Variants in DLG2 observed in about 807,000 individuals in gnomAD.
The protein encoded by DLG2 is discs large MAGUK scaffold protein 2.
Under a neutral mutation model 132.5 loss-of-function variants are expected in DLG2, and 45 were observed. That is an observed-to-expected ratio of 0.34 (90% CI 0.27 to 0.44). DLG2 has a LOEUF of 0.44. Among genes scored for constraint, DLG2 ranks in the 20% least tolerant of loss-of-function variants. The pLI is 1.00. For synonymous variants in DLG2, 424 were observed against 419.6 expected, an observed-to-expected ratio of 1.01 and a Z score of -0.13; for missense variants, 1,045 against 1,196.9, an observed-to-expected ratio of 0.87 and a Z score of 1.87.
chr11:83,622,998 T>C (rs950888151), intron 19 of DLG2, among the ~76,000 whole-genome samples: 7 of 152,206 alleles, frequency 4.6e-5, no homozygotes, highest in African/African-American at 1.7e-4. Flanking sequence ...TCTGTGTCTA[T>C]GATCTAAAGC....
chr11:84,950,339 A>G (rs2050759770), intron 6 of DLG2, among the ~76,000 whole-genome samples: 1 of 152,234 alleles, frequency 6.6e-6, no homozygotes, highest in Non-Finnish European at 1.5e-5. Context: ...AGCCCTAGTC[A>G]GAGCAAATAT....
chr11:85,436,524 G>C (rs996206634), intron 3 of DLG2, among the ~76,000 whole-genome samples: 33 of 152,116 alleles, frequency 2.2e-4, no homozygotes, highest in Admixed American at 1.3e-4. Flanking sequence ...CTTCTCAAAA[G>C]AAGAAATCAA....
chr11:84,927,015 T>A (rs2093001159), intron 6 of DLG2, among the ~76,000 whole-genome samples: 1 of 151,982 alleles, frequency 6.6e-6, no homozygotes, highest in South Asian at 2.1e-4. Flanking sequence ...AAAGTGACTA[T>A]CAAGAAAATT....
intron 8 of DLG2, among the ~76,000 whole-genome samples, chr11:84,167,667 A>G (rs1257155267): frequency 6.8e-6 from 1 of 146,558 alleles, no homozygotes; most frequent in Admixed American, 6.6e-5. Context: ...TCCAAAATGA[A>G]TAATTTTTTT....
At chr11:84,856,269 G>C (rs1267674055) in intron 6 of DLG2, among the ~76,000 whole-genome samples, 1 of 152,114 alleles carries the variant, frequency 6.6e-6, no homozygotes, top group Non-Finnish European at 1.5e-5. Flanking sequence ...TCAATGATAA[G>C]GAGACTGAGG....
At position 84,251,301 on chromosome 11, in the gene DLG2, G is replaced by C. The variant is rs1205439640; in HGVS notation, c.520-10C>G. The C allele has an allele frequency of 6.4e-7, 1 of 1,562,380 alleles. No homozygotes were observed. The highest frequency in any genetic ancestry group is 8.6e-7 in the Non-Finnish European group (1 of 1,157,432). ...TAGGAGCAGGACTGGCCTGAAAAAA[G>C]AAATAGAAAAAAAATTAAATAATGA... On this transcript the variant is annotated splice_polypyrimidine_tract_variant and intron_variant, in intron 7 of 27. Transcript: ENST00000376104.
At chr11:84,619,791 G>T (rs562247521) in intron 6 of DLG2, among the ~76,000 whole-genome samples, 44 of 151,536 alleles carry the variant, frequency 2.9e-4, no homozygotes, top group African/African-American at 1.1e-3. Context: ...TTATAAAATT[G>T]TATTGAAAGA....
At chr11:84,803,212 C>T (rs894115760) in intron 6 of DLG2, among the ~76,000 whole-genome samples, 3 of 152,120 alleles carry the variant, frequency 2.0e-5, no homozygotes, top group African/African-American at 4.8e-5. Context: ...ATTGTAGATG[C>T]TCAATAAATA....
intron 18 of DLG2, among the ~76,000 whole-genome samples, chr11:83,688,780 T>C (rs1318200129): frequency 6.6e-6 from 1 of 152,138 alleles, no homozygotes; most frequent in Non-Finnish European, 1.5e-5. Context: ...CATATAAGAG[T>C]TTGCCTTCTT....
chr11:84,419,061 C>T (rs1307831970), intron 7 of DLG2, among the ~76,000 whole-genome samples: 1 of 151,994 alleles, frequency 6.6e-6, no homozygotes, highest in Non-Finnish European at 1.5e-5. Context: ...ACTTAATGCT[C>T]TACACATTGC....
At chr11:83,863,777 G>C (rs1271029945) in intron 16 of DLG2, among the ~76,000 whole-genome samples, 1 of 152,106 alleles carries the variant, frequency 6.6e-6, no homozygotes, top group Non-Finnish European at 1.5e-5. Context: ...TGCGGAGCCA[G>C]AATTTAAATG....
At chr11:85,128,094 C>G (rs2075335120) in intron 5 of DLG2, among the ~76,000 whole-genome samples, 1 of 152,140 alleles carries the variant, frequency 6.6e-6, no homozygotes, top group South Asian at 2.1e-4. Flanking sequence ...CCACTTTTCA[C>G]TCTGCTATGT....
intron 6 of DLG2, among the ~76,000 whole-genome samples, chr11:84,649,219 A>T (rs1055025093): frequency 6.6e-6 from 1 of 152,158 alleles, no homozygotes; most frequent in Non-Finnish European, 1.5e-5. Context: ...CTTGAATATG[A>T]CCATTAAGGA....
chr11:85,184,343 T>G (rs1337396973), intron 4 of DLG2, among the ~76,000 whole-genome samples: 9 of 151,088 alleles, frequency 6.0e-5, no homozygotes, highest in Admixed American at 1.3e-4. Context: ...ATAAAAGAGA[T>G]TTTCCTTTTT....
intron 7 of DLG2, among the ~76,000 whole-genome samples, chr11:84,403,111 CT>C (rs1322036102): frequency 6.6e-6 from 1 of 151,916 alleles, no homozygotes; most frequent in Non-Finnish European, 1.5e-5. Flanking sequence ...AAGATATCCT[CT>C]ATCAGTAGGA....
intron 6 of DLG2, among the ~76,000 whole-genome samples, chr11:84,963,920 A>C (rs2052958780): frequency 6.6e-6 from 1 of 152,142 alleles, no homozygotes; most frequent in Admixed American, 6.5e-5. Context: ...TTACCCAGTA[A>C]AGTAATGGAA....
intron 6 of DLG2, among the ~76,000 whole-genome samples, chr11:84,768,210 C>G (rs2068716772): frequency 6.6e-6 from 1 of 152,118 alleles, no homozygotes; most frequent in Non-Finnish European, 1.5e-5. Flanking sequence ...CTTATCCTAC[C>G]CCAAGATGTC....
chr11:85,088,151 A>G (rs1292946795), intron 6 of DLG2, among the ~76,000 whole-genome samples: 1 of 152,188 alleles, frequency 6.6e-6, no homozygotes, highest in African/African-American at 2.4e-5. Flanking sequence ...AGATATGCCA[A>G]AAATGATGAT....
At chr11:84,885,814 G>A (rs2088184729) in intron 6 of DLG2, among the ~76,000 whole-genome samples, 1 of 151,380 alleles carries the variant, frequency 6.6e-6, no homozygotes, top group Non-Finnish European at 1.5e-5. Flanking sequence ...TTTTGCACTG[G>A]TTAGAAGGAA....
Sources: allele counts gnomAD v4.1 joint callset (sites outside exome capture counted in the v4.1 genomes callset), GRCh38; gene constraint gnomAD v4.1.1; transcripts MANE v1.5; gene names NCBI Gene and HGNC (gene_info 2026-07-23, HGNC 2026-07-21).